Variants in CSGALNACT1 observed in about 807,000 individuals in gnomAD.
The protein encoded by CSGALNACT1 is chondroitin sulfate N-acetylgalactosaminyltransferase 1.
In CSGALNACT1, 52 loss-of-function variants were observed where a neutral mutation model predicts 51.0. That is an observed-to-expected ratio of 1.02 (90% confidence interval 0.82 to 1.29). The LOEUF is 1.29. Among genes scored for constraint, CSGALNACT1 ranks in the 50% most tolerant of loss-of-function variants. The pLI is 0.00. For missense variants in CSGALNACT1, 935 were observed against 679.2 expected, an observed-to-expected ratio of 1.38 and a Z score of -4.19; for synonymous variants, 341 against 254.4, an observed-to-expected ratio of 1.34 and a Z score of -3.24.
At chr8:19,417,756 A>G (rs2057165150) in intron 8 of CSGALNACT1, among the ~76,000 whole-genome samples, 1 of 152,218 alleles carries the variant, frequency 6.6e-6, no homozygotes, top group African/African-American at 2.4e-5. Context: ...ACACAGCTTC[A>G]GACAAACCTG....
intron 3 of CSGALNACT1, among the ~76,000 whole-genome samples, chr8:19,517,964 T>C (rs2079889396): frequency 6.6e-6 from 1 of 152,158 alleles, no homozygotes; most frequent in Non-Finnish European, 1.5e-5. Context: ...CTAACATTCT[T>C]CTGTGCAGGC....
chr8:19,670,485 T>C (rs192124556), intron 1 of CSGALNACT1, among the ~76,000 whole-genome samples: 9 of 151,932 alleles, frequency 5.9e-5, no homozygotes, highest in African/African-American at 1.9e-4. Context: ...CATACATACA[T>C]AATGCCTTCT....
At chr8:19,434,592 A>G (rs950341654) in intron 6 of CSGALNACT1, among the ~76,000 whole-genome samples, 7 of 152,202 alleles carry the variant, frequency 4.6e-5, no homozygotes, top group African/African-American at 1.4e-4. Context: ...AATCCCCAGT[A>G]AACAATTCAG....
intron 4 of CSGALNACT1, among the ~76,000 whole-genome samples, chr8:19,481,915 CAAAAT>C (rs1410296476): frequency 6.6e-6 from 1 of 152,174 alleles, no homozygotes; most frequent in Non-Finnish European, 1.5e-5. Context: ...TAGAAGTACT[CAAAAT>C]AATTTAAGGG....
At chr8:19,752,810 G>A (rs1277793497) in intron 1 of CSGALNACT1, among the ~76,000 whole-genome samples, 1 of 152,142 alleles carries the variant, frequency 6.6e-6, no homozygotes, top group African/African-American at 2.4e-5. Context: ...TTTATGCATT[G>A]CCTAAAAACA....
chr8:19,450,466 C>A (rs1047625949), intron 5 of CSGALNACT1, among the ~76,000 whole-genome samples: 7 of 152,062 alleles, frequency 4.6e-5, no homozygotes, highest in Non-Finnish European at 1.0e-4. Context: ...ACTGCAGAGA[C>A]CCAAGGGAGG....
chr8:19,578,695 T>C (rs1436726477), intron 3 of CSGALNACT1, among the ~76,000 whole-genome samples: 3 of 152,126 alleles, frequency 2.0e-5, no homozygotes, highest in African/African-American at 7.2e-5. Context: ...AAAAAGGCAC[T>C]GACCCAAGCT....
At chr8:19,540,291 G>A (rs1180243793) in intron 3 of CSGALNACT1, among the ~76,000 whole-genome samples, 6 of 152,054 alleles carry the variant, frequency 3.9e-5, no homozygotes, top group Non-Finnish European at 5.9e-5. Context: ...ACGTTAAAAA[G>A]GCTATTAAAG....
chr8:19,555,679 T>A (rs2089539406), intron 3 of CSGALNACT1, among the ~76,000 whole-genome samples: 1 of 152,212 alleles, frequency 6.6e-6, no homozygotes, highest in Non-Finnish European at 1.5e-5. Flanking sequence ...ATCTTCAGAC[T>A]TCACTTAGCA....
chr8:19,617,688 A>G (rs1364286903), intron 1 of CSGALNACT1, among the ~76,000 whole-genome samples: 1 of 152,228 alleles, frequency 6.6e-6, no homozygotes, highest in African/African-American at 2.4e-5. Context: ...AGGCAGACTC[A>G]TGGGAGTAGC....
intron 4 of CSGALNACT1, among the ~76,000 whole-genome samples, chr8:19,503,412 A>G (rs759988732): frequency 3.9e-5 from 6 of 152,242 alleles, no homozygotes; most frequent in Non-Finnish European, 7.3e-5. Context: ...ACTACTGTGC[A>G]TAGAATAGCA....
intron 4 of CSGALNACT1, among the ~76,000 whole-genome samples, chr8:19,463,798 G>A (rs949924491): frequency 6.6e-6 from 1 of 152,294 alleles, no homozygotes. Context: ...TACTCCTTGT[G>A]CAAGTATCCC....
At chr8:19,755,467 A>AAAAAAAAAAAAAAAAAAAAAAAC in intron 1 of CSGALNACT1, among the ~76,000 whole-genome samples, 1 of 129,692 alleles carries the variant, frequency 7.7e-6, no homozygotes, top group Non-Finnish European at 1.7e-5. Flanking sequence ...AAAAAAAAAA[A>AAAAAAAAAAAAAAAAAAAAAAAC]AAAAAAAAAA....
At chr8:19,678,153 T>C (rs1210367626) in intron 1 of CSGALNACT1, among the ~76,000 whole-genome samples, 1 of 152,134 alleles carries the variant, frequency 6.6e-6, no homozygotes, top group African/African-American at 2.4e-5. Context: ...TTAGTCATAC[T>C]GCAAATATGT....
intron 7 of CSGALNACT1, 55 bp downstream of exon 6, chr8:19,420,285 C>T: frequency 6.5e-7 from 1 of 1,543,220 alleles, no homozygotes; most frequent in Non-Finnish European, 9.0e-7. Context: ...GAGGACGACA[C>T]ATGGGCCCGA....
chr8:19,668,001 C>T (rs902314842), intron 1 of CSGALNACT1, among the ~76,000 whole-genome samples: 3 of 152,244 alleles, frequency 2.0e-5, no homozygotes, highest in African/African-American at 7.2e-5. Flanking sequence ...CCTAACCATT[C>T]AAATATTAGA....
At chr8:19,682,609 T>C (rs1018291010), upstream of CSGALNACT1, 2 of 453,890 alleles carry the variant, frequency 4.4e-6, no homozygotes, top group African/African-American at 2.0e-5. Flanking sequence ...ACACTGGGAC[T>C]TCAGAGCCCA....
At chr8:19,515,821 C>T (rs2079415230) in intron 3 of CSGALNACT1, among the ~76,000 whole-genome samples, 1 of 152,112 alleles carries the variant, frequency 6.6e-6, no homozygotes, top group South Asian at 2.1e-4. Context: ...CCATTCCTTA[C>T]AACTGCCACC....
intron 1 of CSGALNACT1, among the ~76,000 whole-genome samples, chr8:19,630,063 A>C (rs542691146): frequency 2.0e-5 from 3 of 152,128 alleles, no homozygotes; most frequent in Non-Finnish European, 2.9e-5. Context: ...CAACGTGGAA[A>C]AACTGGGCAG....
Sources: gnomAD v4.1 joint callset for allele counts (sites outside exome capture counted in the v4.1 genomes callset) on GRCh38, gnomAD v4.1.1 for gene constraint, MANE v1.5 for transcripts, NCBI Gene and HGNC (gene_info 2026-07-23, HGNC 2026-07-21) for gene names.